Variants in LINGO2 observed in about 807,000 individuals in gnomAD.
LINGO2 encodes leucine-rich repeat and immunoglobulin-like domain-containing nogo receptor-interacting protein 2.
In LINGO2, 14 loss-of-function variants were observed where a neutral mutation model predicts 30.6. That is an observed-to-expected ratio of 0.46 (90% CI 0.30 to 0.72). The LOEUF (loss-of-function observed/expected upper bound fraction) is 0.72, where lower values mean the gene tolerates loss of function less well. Among genes scored for constraint, LINGO2 ranks in the 30% least tolerant of loss-of-function variants. The pLI is 0.07. For synonymous variants in LINGO2, 317 were observed against 288.5 expected, an observed-to-expected ratio of 1.10 and a Z score of -1.00; for missense variants, 729 against 751.7, an observed-to-expected ratio of 0.97 and a Z score of 0.35.
At chr9:29,132,049 G>A in the LINGO2 span, among the ~76,000 whole-genome samples, 1 of 151,730 alleles carries the variant, frequency 6.6e-6, no homozygotes, top group Non-Finnish European at 1.5e-5. Flanking sequence ...CACAACTGCT[G>A]GCCATCAAGA....
chr9:28,106,639 C>A (rs1281704116), intron 4 of LINGO2, among the ~76,000 whole-genome samples: 1 of 152,150 alleles, frequency 6.6e-6, no homozygotes. Flanking sequence ...CTCTTCACAG[C>A]CTCCTCATCC....
chr9:28,093,951 T>C (rs1193424168), intron 4 of LINGO2, among the ~76,000 whole-genome samples: 1 of 152,098 alleles, frequency 6.6e-6, no homozygotes, highest in African/African-American at 2.4e-5. Context: ...AGGAAGATTA[T>C]TATGTCTCAT....
chr9:29,121,096 G>T, the LINGO2 span, among the ~76,000 whole-genome samples: 2 of 152,066 alleles, frequency 1.3e-5, no homozygotes, highest in Non-Finnish European at 2.9e-5. Context: ...AAACATTGTT[G>T]CCAGAAATTC....
chr9:28,623,107 G>T (rs913109741), intron 1 of LINGO2, among the ~76,000 whole-genome samples: 2 of 151,780 alleles, frequency 1.3e-5, no homozygotes, highest in Admixed American at 1.3e-4. Flanking sequence ...TTTCAGATGC[G>T]TAGTTTGCAA....
At chr9:28,159,882 G>T (rs7852107) in intron 4 of LINGO2, among the ~76,000 whole-genome samples, 150,984 of 152,254 alleles carry the variant, frequency 0.99, 74,879 homozygotes, top group Middle Eastern at 1. Flanking sequence ...CCCACAGGTA[G>T]AGAGTAATTG....
At chr9:28,204,337 C>G (rs1820339739) in intron 4 of LINGO2, among the ~76,000 whole-genome samples, 1 of 152,150 alleles carries the variant, frequency 6.6e-6, no homozygotes, top group Non-Finnish European at 1.5e-5. Flanking sequence ...TAATTAATTA[C>G]TAATACGATT....
intron 2 of LINGO2, among the ~76,000 whole-genome samples, chr9:28,398,897 A>T (rs1449759024): frequency 2.0e-5 from 3 of 152,176 alleles, no homozygotes; most frequent in Non-Finnish European, 2.9e-5. Context: ...TTACATTCAA[A>T]TTACCTGAGT....
the LINGO2 span, among the ~76,000 whole-genome samples, chr9:28,691,339 AC>A: frequency 2.0e-5 from 3 of 152,138 alleles, no homozygotes; most frequent in Non-Finnish European, 4.4e-5. Context: ...CTGCTCGCTC[AC>A]CCTTGGGTAA....
rs192821885 is a variant in LINGO2, at chr9:28,599,996, T to C, written c.-365+70204A>G. Among the ~76,000 whole-genome samples the C allele has an allele frequency of 1.4e-3, 211 of 152,214 alleles. 1 individual carries two copies. Among genetic ancestry groups the C allele is most frequent in the African/African-American group, 4.9e-3 (205 of 41,528 alleles). On this transcript the variant is annotated intron_variant, in intron 1 of 5. Transcript: ENST00000379992. ...ACTGTACTCATTTATTTACAATAAA[T>C]TAAATGAATACAAAATGCTTTTGAA...
chr9:28,296,571 T>C (rs1468777561), intron 3 of LINGO2, among the ~76,000 whole-genome samples: 3 of 152,188 alleles, frequency 2.0e-5, no homozygotes, highest in Non-Finnish European at 4.4e-5. Context: ...GTGGAGACTT[T>C]GTTAAAAGGC....
chr9:29,077,615 T>C, the LINGO2 span, among the ~76,000 whole-genome samples: 1 of 152,158 alleles, frequency 6.6e-6, no homozygotes, highest in East Asian at 1.9e-4. Context: ...AGATTTTAGT[T>C]ATGTTTTAAC....
At chr9:28,750,931 T>C in the LINGO2 span, among the ~76,000 whole-genome samples, 1 of 151,900 alleles carries the variant, frequency 6.6e-6, no homozygotes, top group African/African-American at 2.4e-5. Context: ...TGTGATAATG[T>C]ATCATGTAGT....
the LINGO2 span, among the ~76,000 whole-genome samples, chr9:28,994,015 C>T: frequency 6.6e-6 from 1 of 150,982 alleles, no homozygotes; most frequent in East Asian, 2.0e-4. Context: ...AAGTTCTGGC[C>T]AGGGCAATTA....
At position 28,063,376 on chromosome 9, in the gene LINGO2, A is replaced by T. The variant is rs4878678; in HGVS notation, c.-86-50971T>A. On this transcript the variant is annotated intron_variant, in intron 4 of 5. Transcript: ENST00000379992. ...TAGAGTCATGTAATATATGCCAGGCACTATGCTTAAGTTTTACAACAATCC... is the reference window on the plus strand; with the variant it reads ...TAGAGTCATGTAATATATGCCAGGCTCTATGCTTAAGTTTTACAACAATCC... Among the ~76,000 whole-genome samples the T allele has an allele frequency of 1.6e-3, 247 of 152,002 alleles. 1 individual carries two copies. The highest frequency in any genetic ancestry group is 6.8e-3 in the Middle Eastern group (2 of 294).
the LINGO2 span, among the ~76,000 whole-genome samples, chr9:28,926,305 C>T: frequency 1.3e-5 from 2 of 150,606 alleles, no homozygotes; most frequent in Admixed American, 1.3e-4. Context: ...TAGAGCAAGA[C>T]TCTGTCTCAA....
Position 28,384,388 on chromosome 9 carries a change from A to G in LINGO2, c.-278-11520T>C, listed in dbSNP as rs557401652. 2.0e-4 allele frequency among the ~76,000 whole-genome samples: 28 copies of G among 142,198 alleles called. No individual in the cohort carries two copies. In the South Asian group the frequency reaches 6.1e-3, roughly 31 times the overall value. 93.3% of individuals were successfully genotyped at this position (142,198 alleles called of 152,430 possible). On this transcript the variant is annotated intron_variant, in intron 2 of 5. Transcript: ENST00000379992. ...GTGATTTTTTAACTTAAAAAAGGTA[A>G]TAATGTTGTATGTAATCATTTGGAC...
intron 2 of LINGO2, among the ~76,000 whole-genome samples, chr9:28,398,309 G>A (rs1184921676): frequency 6.6e-6 from 1 of 152,196 alleles, no homozygotes; most frequent in African/African-American, 2.4e-5. Flanking sequence ...CAAAGAGTTA[G>A]TGGTAATTTA....
chr9:28,127,660 G>A (rs1368686838), intron 4 of LINGO2, among the ~76,000 whole-genome samples: 1 of 152,158 alleles, frequency 6.6e-6, no homozygotes, highest in Non-Finnish European at 1.5e-5. Context: ...TGGTGGAAAT[G>A]TCCTCTCTAT....
intron 3 of LINGO2, among the ~76,000 whole-genome samples, chr9:28,313,995 G>A (rs146758448): frequency 0.013 from 2,050 of 152,010 alleles, 36 homozygotes; most frequent in African/African-American, 0.047. Flanking sequence ...GTGCAGTGGC[G>A]CGATCTTGGC....
Sources: allele counts gnomAD v4.1 joint callset (sites outside exome capture counted in the v4.1 genomes callset), GRCh38; gene constraint gnomAD v4.1.1; transcripts MANE v1.5; gene names NCBI Gene and HGNC (gene_info 2026-07-23, HGNC 2026-07-21).